The following CPQ variants were observed in gnomAD, a reference collection of about 807,000 sequenced individuals.
The protein encoded by CPQ is carboxypeptidase Q.
CPQ carries 37 observed loss-of-function variants against 45.7 expected under a neutral mutation model. The observed-to-expected ratio is 0.81, with a 90% confidence interval of 0.62 to 1.07. The LOEUF is 1.07. Among genes scored for constraint, CPQ ranks in the 50% least tolerant of loss-of-function variants. The pLI, the probability that CPQ is intolerant of heterozygous loss-of-function variation, is 0.00. For missense variants in CPQ, 537 were observed against 572.9 expected (o/e 0.94, Z 0.64); for synonymous variants, 186 against 205.8 (o/e 0.90, Z 0.82).
intron 1 of CPQ, among the ~76,000 whole-genome samples, chr8:96,647,975 CTCTT>C (rs1325077897): frequency 6.6e-6 from 1 of 152,178 alleles, no homozygotes; most frequent in Admixed American, 6.5e-5. Flanking sequence ...GCCTCCCAAC[CTCTT>C]TCTTTATAAG....
chr8:97,142,914 T>C (rs1812191594), intron 7 of CPQ, 106 bp from the exon 8 acceptor site: 8 of 1,002,590 alleles, frequency 8.0e-6, no homozygotes, highest in Middle Eastern at 2.9e-4. Flanking sequence ...TATTTTGCTA[T>C]TGCAGACTGT....
At chr8:96,696,379 CAT>C (rs1809382949) in intron 1 of CPQ, among the ~76,000 whole-genome samples, 1 of 151,674 alleles carries the variant, frequency 6.6e-6, no homozygotes, top group African/African-American at 2.4e-5. Flanking sequence ...CAGCATGGCA[CAT>C]GTGTACGTAT....
chr8:96,776,031 GT>G (rs1810600847), intron 1 of CPQ, among the ~76,000 whole-genome samples: 1 of 152,172 alleles, frequency 6.6e-6, no homozygotes, highest in South Asian at 2.1e-4. Flanking sequence ...TTTTCCTTAT[GT>G]TTGTATCTTT....
In CPQ at chr8:96,838,547, C is replaced by A. The variant is rs113536408; in HGVS notation, c.641+3367C>A. Among the ~76,000 whole-genome samples the A allele has an allele frequency of 3.1e-3, 467 of 152,196 alleles. 2 individuals carry two copies. The highest frequency in any genetic ancestry group is 4.9e-3 in the Non-Finnish European group (331 of 67,988). ...TTACATGGAGGCTAGGAAATTTGGC[C>A]TATCTTTATGTCCAGGGTGAAAGGA... On this transcript the variant is annotated intron_variant, in intron 3 of 7. Transcript: ENST00000220763.
intron 3 of CPQ, among the ~76,000 whole-genome samples, chr8:96,838,318 A>G (rs1811557875): frequency 6.6e-6 from 1 of 152,154 alleles, no homozygotes; most frequent in Admixed American, 6.5e-5. Context: ...GGTGGTCAGA[A>G]TGTGGCCTTC....
At chr8:97,130,495 A>G (rs1811934024) in intron 7 of CPQ, among the ~76,000 whole-genome samples, 1 of 150,160 alleles carries the variant, frequency 6.7e-6, no homozygotes, top group South Asian at 2.1e-4. Context: ...ATTTGATCAA[A>G]TGTACTTTAA....
chr8:97,083,552 G>C (rs1183797482), intron 7 of CPQ, among the ~76,000 whole-genome samples: 2 of 152,150 alleles, frequency 1.3e-5, no homozygotes, highest in African/African-American at 2.4e-5. Context: ...ATAATGCCAA[G>C]AAGAAAAATG....
intron 7 of CPQ, among the ~76,000 whole-genome samples, chr8:97,126,387 C>A (rs140079986): frequency 6.6e-6 from 1 of 152,128 alleles, no homozygotes; most frequent in Non-Finnish European, 1.5e-5. Context: ...GTGGTTTTAG[C>A]GGTCTTTTTT....
intron 6 of CPQ, among the ~76,000 whole-genome samples, chr8:97,049,178 A>C (rs573298260): frequency 8.5e-5 from 13 of 152,330 alleles, no homozygotes; most frequent in African/African-American, 2.9e-4. Context: ...ATAATATTGA[A>C]ATTTTCAAGT....
chr8:97,127,249 A>G (rs558721033), intron 7 of CPQ, among the ~76,000 whole-genome samples: 2 of 152,360 alleles, frequency 1.3e-5, no homozygotes, highest in South Asian at 4.1e-4. Flanking sequence ...AATACAATAC[A>G]TACGTCTGAC....
chr8:96,967,919 T>C (rs770769307), intron 5 of CPQ, among the ~76,000 whole-genome samples: 25 of 152,202 alleles, frequency 1.6e-4, no homozygotes, highest in Non-Finnish European at 3.4e-4. Context: ...ATAAAGTTGC[T>C]TTGAAAATTA....
chr8:96,808,520 A>G (rs960893670), intron 2 of CPQ, among the ~76,000 whole-genome samples: 3 of 152,200 alleles, frequency 2.0e-5, no homozygotes, highest in African/African-American at 7.2e-5. Context: ...GAAATCCAAA[A>G]TATTTTTGCT....
At chr8:97,095,584 A>G (rs1811198260) in intron 7 of CPQ, among the ~76,000 whole-genome samples, 1 of 152,178 alleles carries the variant, frequency 6.6e-6, no homozygotes, top group African/African-American at 2.4e-5. Flanking sequence ...ATGACTTGAC[A>G]CTTGCCAAAC....
At chr8:96,703,272 C>T (rs911372797) in intron 1 of CPQ, among the ~76,000 whole-genome samples, 3 of 152,082 alleles carry the variant, frequency 2.0e-5, no homozygotes, top group Admixed American at 6.6e-5. Context: ...GTCTTGCCAC[C>T]TAAGTTTAGC....
intron 2 of CPQ, among the ~76,000 whole-genome samples, chr8:96,832,429 G>A (rs905251236): frequency 6.6e-6 from 1 of 152,148 alleles, no homozygotes; most frequent in Non-Finnish European, 1.5e-5. Flanking sequence ...CACAACTCCA[G>A]GGGTGCTTAA....
At chr8:96,719,909 T>A (rs1809740413) in intron 1 of CPQ, among the ~76,000 whole-genome samples, 1 of 152,222 alleles carries the variant, frequency 6.6e-6, no homozygotes, top group South Asian at 2.1e-4. Context: ...TATCCCTCTC[T>A]CACATTCAGG....
chr8:96,824,376 G>A (rs999078716), intron 2 of CPQ, among the ~76,000 whole-genome samples: 1 of 151,954 alleles, frequency 6.6e-6, no homozygotes, highest in African/African-American at 2.4e-5. Context: ...CATGGTTCCT[G>A]GCCAGAGTAC....
intron 1 of CPQ, among the ~76,000 whole-genome samples, chr8:96,731,259 A>G (rs1047059233): frequency 6.6e-6 from 1 of 152,134 alleles, no homozygotes; most frequent in Non-Finnish European, 1.5e-5. Flanking sequence ...TTAATTAGAG[A>G]TGATACCTAT....
chr8:96,927,728 G>T (rs1374214195), intron 4 of CPQ, among the ~76,000 whole-genome samples: 1 of 152,148 alleles, frequency 6.6e-6, no homozygotes, highest in Non-Finnish European at 1.5e-5. Context: ...TTAGAACATG[G>T]TTCCACTTAC....
Sources: gnomAD v4.1 joint callset for allele counts (sites outside exome capture counted in the v4.1 genomes callset) on GRCh38, gnomAD v4.1.1 for gene constraint, MANE v1.5 for transcripts, NCBI Gene and HGNC (gene_info 2026-07-23, HGNC 2026-07-21) for gene names.